Variants in WNT8A observed in about 807,000 individuals in gnomAD.
WNT8A encodes the protein Wnt family member 8A.
A neutral mutation model predicts 20.5 loss-of-function variants in WNT8A; 14 were observed. The observed-to-expected ratio is 0.68, with a 90% CI of 0.45 to 1.07. The LOEUF (loss-of-function observed/expected upper bound fraction) is 1.07, where lower values mean the gene tolerates loss of function less well. Ranked by LOEUF, WNT8A falls within the 50% of genes least tolerant of loss-of-function variation. The pLI is 0.00. For missense variants in WNT8A, 397 were observed against 462.9 expected (o/e 0.86, Z 1.31); for synonymous variants, 167 against 169.2 (o/e 0.99, Z 0.10).
intron 2 of WNT8A, 83 bp from the exon 3 acceptor site, chr5:138,087,723 A>T: frequency 7.1e-7 from 1 of 1,401,156 alleles, no homozygotes; most frequent in South Asian, 1.3e-5. Flanking sequence ...GATAAGGGAG[A>T]TAAACAGTAT....
rs35287315 is a variant in WNT8A, at chr5:138,086,879, C to CA, written c.296-909dup. Among the ~76,000 whole-genome samples the CA allele has an allele frequency of 5.6e-3, 679 of 120,496 alleles. 6 individuals are homozygous for CA. The highest frequency in any genetic ancestry group is 0.014 in the Middle Eastern group (3 of 212). The allele number at this position is 120,496 out of a possible 152,430, so 79.1% of individuals were successfully genotyped here. A position where few individuals can be genotyped will look rare whatever the true frequency, so the allele number is the denominator to read the frequency against. ...GTGAAACCCCATATGTACTAAAGAC[C>CA]AAAAAAAAAAAAAAAAAATAGCCGG... On this transcript the variant is annotated intron_variant, in intron 2 of 4. Coordinates refer to ENST00000506684, the MANE Select transcript of WNT8A (RefSeq NM_001300939.2).
At chr5:138,077,850 G>A in the WNT8A span, among the ~76,000 whole-genome samples, 1 of 152,096 alleles carries the variant, frequency 6.6e-6, no homozygotes, top group Non-Finnish European at 1.5e-5. Flanking sequence ...GCAGGGCCCA[G>A]CCTTAGGCAG....
upstream of WNT8A, among the ~76,000 whole-genome samples, chr5:138,082,920 T>A (rs985232627): frequency 8.5e-5 from 11 of 129,752 alleles, no homozygotes; most frequent in East Asian, 1.2e-3. Flanking sequence ...AATAAATAAA[T>A]AAAATAAAAT....
the WNT8A span, among the ~76,000 whole-genome samples, chr5:138,077,626 C>T: frequency 5.9e-5 from 9 of 152,112 alleles, no homozygotes; most frequent in Non-Finnish European, 8.8e-5. Flanking sequence ...TGTGTCCTAT[C>T]CAGAGATGGA....
At chr5:138,084,468 AG>A (rs780204015) in intron 1 of WNT8A, 29 bp from the exon 2 acceptor site, 88 of 1,577,834 alleles carry the variant, frequency 5.6e-5, no homozygotes, top group Non-Finnish European at 6.9e-5. Flanking sequence ...CATACCGGGC[AG>A]AAGCTCACAG....
upstream of WNT8A, among the ~76,000 whole-genome samples, chr5:138,080,327 A>T (rs1042961793): frequency 9.9e-5 from 15 of 151,224 alleles, no homozygotes; most frequent in Non-Finnish European, 1.9e-4. Context: ...CTCAAAAAAA[A>T]AAAAAACAAA....
intron 2 of WNT8A, among the ~76,000 whole-genome samples, chr5:138,085,977 A>T (rs1750649783): frequency 1.3e-5 from 2 of 152,138 alleles, no homozygotes; most frequent in African/African-American, 4.8e-5. Flanking sequence ...TAGTAAGATA[A>T]GAGTTCAGTA....
chr5:138,084,316 C>CT, intron 1 of WNT8A, 33 bp downstream of exon 1: 1 of 1,611,574 alleles, frequency 6.2e-7, no homozygotes, highest in Non-Finnish European at 8.5e-7. Context: ...TTTTTACCCA[C>CT]TGAGGGCCCT....
chr5:138,084,060 T>C lies in WNT8A; in HGVS notation c.-68T>C. Reference sequence around the variant, plus strand: ...CACTTCTCTGGACTTGGCCCTGAGCTGGACCTGGTCCACTGGGGTAGGCAG... The same window carrying C: ...CACTTCTCTGGACTTGGCCCTGAGCCGGACCTGGTCCACTGGGGTAGGCAG... On this transcript the variant is annotated 5_prime_UTR_variant, in exon 1 of 5. Transcript: ENST00000506684. 2 of 1,604,644 alleles carry C rather than the reference T, an allele frequency of 1.2e-6. No homozygotes were observed. The highest frequency in any genetic ancestry group is 2.2e-5 in the South Asian group (2 of 90,422).
At chr5:138,082,923 A>AT (rs1750546924), upstream of WNT8A, among the ~76,000 whole-genome samples, 1 of 150,922 alleles carries the variant, frequency 6.6e-6, no homozygotes, top group East Asian at 1.9e-4. Context: ...AAATAAATAA[A>AT]ATAAAATAAA....
intron 2 of WNT8A, among the ~76,000 whole-genome samples, chr5:138,085,195 A>G (rs1283055124): frequency 1.3e-5 from 2 of 152,212 alleles, no homozygotes; most frequent in Non-Finnish European, 2.9e-5. Context: ...TCAGCCTCCA[A>G]AAGTGCTGGG....
upstream of WNT8A, among the ~76,000 whole-genome samples, chr5:138,079,998 C>G (rs1190000822): frequency 6.6e-6 from 1 of 152,150 alleles, no homozygotes; most frequent in South Asian, 2.1e-4. Flanking sequence ...AAAGGCTCAT[C>G]TAATCGTCAA....
upstream of WNT8A, among the ~76,000 whole-genome samples, chr5:138,080,282 C>A (rs900225121): frequency 6.7e-6 from 1 of 150,306 alleles, no homozygotes; most frequent in Non-Finnish European, 1.5e-5. Flanking sequence ...TGAGATTGCA[C>A]CACTGCACTC....
chr5:138,088,795 C>A, intron 3 of WNT8A, 132 bp from the exon 4 acceptor site: 2 of 1,287,008 alleles, frequency 1.6e-6, no homozygotes, highest in South Asian at 1.5e-5. Context: ...TCCCACCCAC[C>A]CCAAGCACCT....
intron 3 of WNT8A, 65 bp downstream of exon 3, chr5:138,087,996 A>C: frequency 6.3e-7 from 1 of 1,592,372 alleles, no homozygotes; most frequent in Non-Finnish European, 8.5e-7. Flanking sequence ...TGCAGACTAA[A>C]GTCTTCCAGA....
chr5:138,084,621 A>T lies in WNT8A; in HGVS notation c.280A>T (p.Asn94Tyr). Residue 94 changes from asparagine to tyrosine, a missense_variant, in exon 2 of 5, where the codon AAC becomes TAC. Asn to Tyr is a moderately radical substitution (Grantham distance 143). Transcript: ENST00000506684. ...PENALQLSTH[N>Y]RLRSATRETS... The stretch of plus-strand genomic sequence containing the variant: ...AAATGCTCTTCAGCTCTCCACCCAC[A>T]ACAGGCTGAGAAGTGGTAAGTTTGT... 6.2e-7 allele frequency: 1 copy of T among 1,610,132 alleles called. No homozygotes were observed. Among genetic ancestry groups the T allele is most frequent in the Non-Finnish European group, 8.5e-7 (1 of 1,177,868 alleles).
At chr5:138,080,121 G>A (rs1750464710), upstream of WNT8A, among the ~76,000 whole-genome samples, 1 of 152,040 alleles carries the variant, frequency 6.6e-6, no homozygotes, top group Non-Finnish European at 1.5e-5. Flanking sequence ...CCAGGAGTTT[G>A]AGACCATCCT....
At chr5:138,080,454 T>TTTTTG (rs1554086782), upstream of WNT8A, among the ~76,000 whole-genome samples, 13 of 97,160 alleles carry the variant, frequency 1.3e-4, no homozygotes, top group African/African-American at 5.0e-4. Flanking sequence ...GTTTTTTTTT[T>TTTTTG]TTTTTTTTTT....
At chr5:138,083,465 C>T (rs1750561040), upstream of WNT8A, among the ~76,000 whole-genome samples, 1 of 152,124 alleles carries the variant, frequency 6.6e-6, no homozygotes, top group Non-Finnish European at 1.5e-5. Flanking sequence ...GTGGAAGGGA[C>T]TGTTGCAGAG....
Sources: gnomAD v4.1 joint callset for allele counts (sites outside exome capture counted in the v4.1 genomes callset) on GRCh38, gnomAD v4.1.1 for gene constraint, MANE v1.5 for transcripts, NCBI Gene and HGNC (gene_info 2026-07-23, HGNC 2026-07-21) for gene names.